Variants in TTLL9 observed in about 807,000 individuals in gnomAD.
TTLL9 encodes the protein probable tubulin polyglutamylase TTLL9.
TTLL9 carries 47 observed loss-of-function variants against 65.6 expected under a neutral mutation model. The ratio of observed to expected loss-of-function variants is 0.72; its 90% CI spans 0.57 to 0.91. TTLL9 has a LOEUF of 0.91. Ranked by LOEUF, TTLL9 falls within the 40% of genes least tolerant of loss-of-function variation. The probability of loss-of-function intolerance (pLI) is 0.00; values close to 1 mark genes in which losing one functional copy is unlikely to be tolerated. For missense variants in TTLL9, 537 were observed against 568.8 expected, an observed-to-expected ratio of 0.94 and a Z score of 0.57; for synonymous variants, 179 against 204.8, an observed-to-expected ratio of 0.87 and a Z score of 1.07.
At chr20:31,890,031 T>TTTCTTTCCTTCC (rs1325059685) in intron 3 of TTLL9, among the ~76,000 whole-genome samples, 1 of 114,510 alleles carries the variant, frequency 8.7e-6, no homozygotes, top group African/African-American at 3.3e-5. Context: ...TCTTTCTTTC[T>TTTCTTTCCTTCC]TTCCTTCCTT....
rs1336168317 is a variant in TTLL9 at position 31,923,070 on chromosome 20, T to C, written c.664+17T>C. 1 of 1,578,504 alleles carries C rather than the reference T, an allele frequency of 6.3e-7. No homozygotes were observed. The highest frequency in any genetic ancestry group is 1.7e-5 in the Admixed American group (1 of 59,958). ...TGATAGGAGGTGAGATGGCTGTGTC[T>C]GCTCCTGCTCTTCCATTGCATGGTC... On this transcript the variant is annotated intron_variant, in intron 8 of 14. Coordinates refer to ENST00000535842, the MANE Select transcript of TTLL9 (RefSeq NM_001008409.5).
chr20:31,937,595 G>A, intron 13 of TTLL9, 86 bp downstream of exon 13: 1 of 1,045,902 alleles, frequency 9.6e-7, no homozygotes, highest in Non-Finnish European at 1.4e-6. Flanking sequence ...AGAACCTTGG[G>A]GCCTGAGTGG....
rs2063219948 is a variant in TTLL9 at position 31,887,895 on chromosome 20, T to TCTCTTCTCTTCTCTTCTCTC, written c.113+666_113+667insCTCTTCTCTCCTCTTCTCTT. 4.0e-5 allele frequency among the ~76,000 whole-genome samples: 6 copies of TCTCTTCTCTTCTCTTCTCTC among 151,616 alleles called. No individual in the cohort carries two copies. In the South Asian group the frequency reaches 8.4e-4, roughly 21 times the overall value. ...TCTCTTCTCTTCTCTTCTCTTCTCT[T>TCTCTTCTCTTCTCTTCTCTC]CTCTTCTCTTTTGAGTTTCACTCTT... On this transcript the variant is annotated intron_variant, in intron 3 of 14. Coordinates refer to ENST00000535842, the MANE Select transcript of TTLL9 (RefSeq NM_001008409.5).
chr20:31,878,811 GT>G (rs1369308407), intron 2 of TTLL9, among the ~76,000 whole-genome samples: 1 of 152,096 alleles, frequency 6.6e-6, no homozygotes, highest in Non-Finnish European at 1.5e-5. Context: ...TGATAACTTT[GT>G]CTCTTTCTTA....
chr20:31,895,813 G>GTATTTATTTATT lies in TTLL9; in HGVS notation c.114-2627_114-2616dup, dbSNP rs34278083. Among the ~76,000 whole-genome samples, 363 of 148,062 alleles carry GTATTTATTTATT rather than the reference G, an allele frequency of 2.5e-3. 1 individual carries two copies. Among genetic ancestry groups the GTATTTATTTATT allele is most frequent in the African/African-American group, 7.9e-3 (315 of 40,052 alleles). On this transcript the variant is annotated intron_variant, in intron 3 of 14. Transcript: ENST00000535842. The stretch of plus-strand genomic sequence containing the variant: ...CTTCTGGAACAGTAAGGTTATTCAT[G>GTATTTATTTATT]TATTTATTTATTTATTTATTTATTT...
intron 11 of TTLL9, 38 bp from the exon 12 acceptor site, chr20:31,934,654 C>A: frequency 6.4e-7 from 1 of 1,571,822 alleles, no homozygotes; most frequent in African/African-American, 1.3e-5. Flanking sequence ...TCCTGACTAA[C>A]TGAGGCTCCT....
intron 7 of TTLL9, among the ~76,000 whole-genome samples, chr20:31,921,699 C>T (rs1022433129): frequency 5.3e-5 from 8 of 152,148 alleles, no homozygotes; most frequent in African/African-American, 1.9e-4. Flanking sequence ...TGGAAACCGT[C>T]ATTCTCAGCA....
intron 3 of TTLL9, 137 bp from the exon 4 acceptor site, chr20:31,898,336 C>G (rs1004075450): frequency 3.5e-5 from 23 of 648,128 alleles, no homozygotes; most frequent in South Asian, 5.7e-5. Flanking sequence ...TTATCATGCT[C>G]TAATGCTAAA....
At chr20:31,934,362 A>C in intron 11 of TTLL9, 1 of 535,410 alleles carries the variant, frequency 1.9e-6, no homozygotes, top group Non-Finnish European at 3.6e-6. Flanking sequence ...CACAGCCCTG[A>C]AAATGGCAGC....
At chr20:31,906,736 A>AC (rs1004183530) in intron 4 of TTLL9, among the ~76,000 whole-genome samples, 14 of 151,598 alleles carry the variant, frequency 9.2e-5, no homozygotes, top group Admixed American at 6.6e-5. Context: ...CACAACCTCC[A>AC]CCCCCCTGCT....
chr20:31,905,166 G>T (rs1023108816), intron 4 of TTLL9, among the ~76,000 whole-genome samples: 2 of 152,108 alleles, frequency 1.3e-5, no homozygotes, highest in African/African-American at 4.8e-5. Flanking sequence ...TGCCTTCTGC[G>T]TTCAAGTGAT....
intron 6 of TTLL9, among the ~76,000 whole-genome samples, chr20:31,914,178 C>T (rs1366175282): frequency 2.0e-5 from 3 of 152,214 alleles, no homozygotes; most frequent in Admixed American, 6.5e-5. Flanking sequence ...CCAACCAGAA[C>T]TTCTCAGAAT....
intron 2 of TTLL9, among the ~76,000 whole-genome samples, chr20:31,875,474 C>T (rs1421759805): frequency 6.6e-6 from 1 of 152,062 alleles, no homozygotes; most frequent in Non-Finnish European, 1.5e-5. Context: ...CCCCTCTACT[C>T]CACTCTTTCC....
At chr20:31,919,038 G>T (rs1049612747) in intron 6 of TTLL9, among the ~76,000 whole-genome samples, 3 of 152,222 alleles carry the variant, frequency 2.0e-5, no homozygotes, top group Non-Finnish European at 2.9e-5. Flanking sequence ...AAGGAAATGA[G>T]AGTTGCAGTT....
At chr20:31,885,175 GT>G (rs2063171765) in intron 2 of TTLL9, among the ~76,000 whole-genome samples, 2 of 151,824 alleles carry the variant, frequency 1.3e-5, no homozygotes, top group African/African-American at 2.4e-5. Flanking sequence ...ATCTCAACAT[GT>G]TTTTTCGTAG....
intron 3 of TTLL9, among the ~76,000 whole-genome samples, chr20:31,888,170 C>T (rs2063227469): frequency 6.6e-6 from 1 of 152,192 alleles, no homozygotes; most frequent in African/African-American, 2.4e-5. Context: ...AGGCGTGAGC[C>T]ACCACGCCCA....
intron 4 of TTLL9, chr20:31,901,552 C>G (rs576781389): frequency 1.3e-5 from 2 of 152,238 alleles, no homozygotes; most frequent in African/African-American, 4.8e-5. Flanking sequence ...GAAATCCACA[C>G]GGTGGTCTAC....
At chr20:31,934,582 C>T in intron 11 of TTLL9, 110 bp from the exon 12 acceptor site, 2 of 1,034,352 alleles carry the variant, frequency 1.9e-6, no homozygotes, top group Non-Finnish European at 2.8e-6. Flanking sequence ...GGGCTGGGCC[C>T]CTCTTGCCCA....
chr20:31,922,914 G>C (rs774455310), intron 7 of TTLL9, 49 bp from the exon 8 acceptor site: 3 of 1,499,450 alleles, frequency 2.0e-6, no homozygotes, highest in Non-Finnish European at 2.8e-6. Flanking sequence ...CTAGTACACA[G>C]GAAATGTTCC....
Sources: gnomAD v4.1 joint callset for allele counts (sites outside exome capture counted in the v4.1 genomes callset) on GRCh38, gnomAD v4.1.1 for gene constraint, MANE v1.5 for transcripts, NCBI Gene and HGNC (gene_info 2026-07-23, HGNC 2026-07-21) for gene names.